Variants in ROBO1 observed in about 807,000 individuals in gnomAD.
The protein encoded by ROBO1 is roundabout homolog 1.
ROBO1 carries 149 observed loss-of-function variants against 195.9 expected under a neutral mutation model. That is an observed-to-expected ratio of 0.76 (90% CI 0.67 to 0.87). ROBO1 has a LOEUF of 0.87. Among genes scored for constraint, ROBO1 ranks in the 40% least tolerant of loss-of-function variants. The pLI, the probability that ROBO1 is intolerant of heterozygous loss-of-function variation, is 0.00. For synonymous variants in ROBO1, 816 were observed against 733.2 expected (o/e 1.11, Z -1.82); for missense variants, 1,933 against 2,068.3 (o/e 0.93, Z 1.27).
intron 5 of ROBO1, among the ~76,000 whole-genome samples, chr3:78,733,143 A>T (rs2082319586): frequency 6.6e-6 from 1 of 152,196 alleles, no homozygotes; most frequent in African/African-American, 2.4e-5. Context: ...CATAAAACTT[A>T]GAATTATTCT....
At chr3:79,710,936 G>A (rs1702250522) in intron 1 of ROBO1, among the ~76,000 whole-genome samples, 1 of 152,038 alleles carries the variant, frequency 6.6e-6, no homozygotes, top group Non-Finnish European at 1.5e-5. Context: ...GTGTATAAAG[G>A]ATCTTTGGAT....
chr3:79,741,167 T>C (rs1703630780), intron 1 of ROBO1, among the ~76,000 whole-genome samples: 1 of 152,246 alleles, frequency 6.6e-6, no homozygotes, highest in Non-Finnish European at 1.5e-5. Context: ...GGCTACCTGC[T>C]GCAGGATGGG....
At chr3:79,734,627 A>C (rs1057392473) in intron 1 of ROBO1, among the ~76,000 whole-genome samples, 13 of 152,194 alleles carry the variant, frequency 8.5e-5, no homozygotes, top group African/African-American at 3.1e-4. Flanking sequence ...GAGCTTAGTA[A>C]AACAAAACAC....
chr3:79,625,160 A>G (rs1945128511), intron 1 of ROBO1, among the ~76,000 whole-genome samples: 1 of 152,032 alleles, frequency 6.6e-6, no homozygotes, highest in Admixed American at 6.6e-5. Flanking sequence ...ATGAGAAAAA[A>G]GCAACAATGT....
chr3:78,668,007 C>T lies in ROBO1; in HGVS notation c.1842G>A (p.Val614=). 1 of 1,613,594 alleles carries T rather than the reference C, an allele frequency of 6.2e-7. No homozygotes were observed. Among genetic ancestry groups the T allele is most frequent in the East Asian group, 2.2e-5 (1 of 44,864 alleles). ...GSSWQTVAEN[V]KTETSAIKGL... is the part of the protein sequence containing the mutation. ...CTTTAATGGCAGATGTTTCTGTTTT[C>T]ACATTCTCTGCTACGGTCTGCCAGC... The change falls in exon 14 of 31, where the codon GTG becomes GTA. Residue 614 remains valine (V), a synonymous_variant. Coordinates refer to ENST00000464233, the MANE Select transcript of ROBO1 (RefSeq NM_002941.4).
At chr3:79,257,657 A>G (rs115673388) in intron 2 of ROBO1, among the ~76,000 whole-genome samples, 33 of 152,180 alleles carry the variant, frequency 2.2e-4, no homozygotes, top group African/African-American at 7.9e-4. Context: ...GGAAAGGGGG[A>G]ACATTACTTT....
chr3:79,678,046 A>G (rs1056730018), intron 1 of ROBO1, among the ~76,000 whole-genome samples: 1 of 152,138 alleles, frequency 6.6e-6, no homozygotes, highest in African/African-American at 2.4e-5. Context: ...TTCAATGAAT[A>G]TTAGCTCTTG....
chr3:78,645,505 CTT>C (rs1379305072), intron 21 of ROBO1, among the ~76,000 whole-genome samples: 4 of 150,196 alleles, frequency 2.7e-5, no homozygotes, highest in South Asian at 4.2e-4. Context: ...CATCACATAA[CTT>C]ATACCTTATT....
At chr3:79,088,080 G>A (rs1455824) in intron 3 of ROBO1, among the ~76,000 whole-genome samples, 34,691 of 151,970 alleles carry the variant, frequency 0.23, 4,097 homozygotes, top group South Asian at 0.28. Flanking sequence ...AACTAGTGTT[G>A]ATGACGGTTG....
chr3:79,657,515 A>T (rs1946203140), intron 1 of ROBO1, among the ~76,000 whole-genome samples: 1 of 152,196 alleles, frequency 6.6e-6, no homozygotes, highest in Admixed American at 6.5e-5. Context: ...TTAATCAACA[A>T]ATAAAAGTTT....
chr3:79,607,629 G>C (rs1351700698), intron 1 of ROBO1, among the ~76,000 whole-genome samples: 1 of 150,370 alleles, frequency 6.7e-6, no homozygotes, highest in Admixed American at 6.6e-5. Flanking sequence ...CTGGGCAATG[G>C]ATTCAGCTGC....
At chr3:78,915,584 A>T (rs2038509513) in intron 4 of ROBO1, among the ~76,000 whole-genome samples, 1 of 152,196 alleles carries the variant, frequency 6.6e-6, no homozygotes, top group South Asian at 2.1e-4. Context: ...AATATCTTGT[A>T]TAATACTTAC....
At chr3:79,144,474 CT>C (rs1457034495) in intron 2 of ROBO1, among the ~76,000 whole-genome samples, 1 of 151,760 alleles carries the variant, frequency 6.6e-6, no homozygotes, top group Non-Finnish European at 1.5e-5. Flanking sequence ...CTCTCCTTTC[CT>C]TCTTCTAAAT....
intron 8 of ROBO1, among the ~76,000 whole-genome samples, chr3:78,695,603 C>G (rs1575954454): frequency 1.5e-5 from 2 of 130,720 alleles, no homozygotes; most frequent in Admixed American, 1.7e-4. Flanking sequence ...CCAGCCTGGC[C>G]AACAGAGCAA....
intron 4 of ROBO1, among the ~76,000 whole-genome samples, chr3:78,789,167 A>T (rs567755580): frequency 6.6e-6 from 1 of 152,328 alleles, no homozygotes; most frequent in South Asian, 2.1e-4. Context: ...CCATAACTAA[A>T]ATTCAACAAG....
At chr3:79,252,421 A>G (rs1422653469) in intron 2 of ROBO1, among the ~76,000 whole-genome samples, 1 of 152,156 alleles carries the variant, frequency 6.6e-6, no homozygotes, top group African/African-American at 2.4e-5. Context: ...GCTGTCACGA[A>G]CTAAGGAAGG....
chr3:79,075,136 A>C (rs149689405), intron 3 of ROBO1, among the ~76,000 whole-genome samples: 1 of 151,786 alleles, frequency 6.6e-6, no homozygotes, highest in Admixed American at 6.6e-5. Context: ...TTTTTATAAG[A>C]TGTCTCATCA....
intron 4 of ROBO1, among the ~76,000 whole-genome samples, chr3:78,905,722 T>C (rs902089845): frequency 6.6e-6 from 1 of 152,144 alleles, no homozygotes; most frequent in African/African-American, 2.4e-5. Flanking sequence ...AATAATATAA[T>C]TAAGCACTCA....
In ROBO1 at chr3:78,614,609, G is replaced by A. The variant is rs763278912; in HGVS notation, c.4435+39C>T. The A allele has an allele frequency of 3.1e-6, 5 of 1,605,982 alleles. No individual in the cohort carries two copies. In the South Asian group the frequency reaches 3.3e-5, roughly 11 times the overall value. On this transcript the variant is annotated intron_variant, in intron 28 of 30. Transcript: ENST00000464233. ...TCCTAGAGAGGCAGGGTAAATAGGC[G>A]AGATTCATAGACGTTTTCATCCGTG...
Sources: gnomAD v4.1 joint callset for allele counts (sites outside exome capture counted in the v4.1 genomes callset) on GRCh38, gnomAD v4.1.1 for gene constraint, MANE v1.5 for transcripts, NCBI Gene and HGNC (gene_info 2026-07-23, HGNC 2026-07-21) for gene names.